The following LMTK3 variants were observed in gnomAD, a reference collection of about 807,000 sequenced individuals.
LMTK3 encodes the protein lemur tail kinase 3, also known as serine/threonine-protein kinase LMTK3.
Under a neutral mutation model 116.7 loss-of-function variants are expected in LMTK3, and 27 were observed. The ratio of observed to expected loss-of-function variants is 0.23; its 90% CI spans 0.17 to 0.32. The LOEUF (loss-of-function observed/expected upper bound fraction) is 0.32. Ranked by LOEUF, LMTK3 falls within the 10% of genes least tolerant of loss-of-function variation. The pLI, the probability that LMTK3 is intolerant of heterozygous loss-of-function variation, is 1.00. For missense variants in LMTK3, 1,764 were observed against 2,068.5 expected, an observed-to-expected ratio of 0.85 and a Z score of 2.86; for synonymous variants, 965 against 971.0, an observed-to-expected ratio of 0.99 and a Z score of 0.11.
upstream of LMTK3, chr19:48,513,215 T>C (rs945653551): frequency 2.6e-6 from 4 of 1,510,704 alleles, no homozygotes; most frequent in Non-Finnish European, 3.6e-6. This position sits in a 1 kb window ranked among gnomAD's most constrained non-coding sequence, Gnocchi z 5.6. Flanking sequence ...TCATAGTTTA[T>C]TTAATGTATT....
At chr19:48,506,924 A>G (rs958521594) in intron 5 of LMTK3, among the ~76,000 whole-genome samples, 9 of 152,144 alleles carry the variant, frequency 5.9e-5, no homozygotes, top group African/African-American at 2.2e-4. Context: ...TCAGTCTCCC[A>G]AAGTGCTGGG....
chr19:48,504,502 G>C (rs1429421465), intron 5 of LMTK3, among the ~76,000 whole-genome samples: 1 of 152,170 alleles, frequency 6.6e-6, no homozygotes, highest in Non-Finnish European at 1.5e-5. Flanking sequence ...TGAGATCCTA[G>C]CAATTACTGC....
rs572776157 is a variant in LMTK3 at position 48,491,847 on chromosome 19, A to G, written c.4093-308T>C. ...CGTGAGGCCTCCACCGGATCCCCTA[A>G]CCCAAAGCGATCTCCATAAGCCCCA... On this transcript the variant is annotated intron_variant, in intron 12 of 14. Transcript: ENST00000600059. The surrounding 1 kb of genome is among the most constrained non-coding windows in gnomAD (Gnocchi z 5.1). Among the ~76,000 whole-genome samples, 3 of 151,922 alleles carry G rather than the reference A, an allele frequency of 2.0e-5. No homozygotes were observed. The highest frequency in any genetic ancestry group is 4.4e-5 in the Non-Finnish European group (3 of 67,980).
intron 14 of LMTK3, among the ~76,000 whole-genome samples, chr19:48,488,687 C>T (rs1972166746): frequency 6.6e-6 from 1 of 152,136 alleles, no homozygotes; most frequent in South Asian, 2.1e-4. Flanking sequence ...ATCCCCTTCC[C>T]CTTCACCTAG....
intron 12 of LMTK3, among the ~76,000 whole-genome samples, chr19:48,492,854 C>A (rs1416377840): frequency 6.6e-6 from 1 of 152,132 alleles, no homozygotes; most frequent in South Asian, 2.1e-4. Flanking sequence ...CTAGACCACG[C>A]CCCCGTCACA....
Position 48,511,721 on chromosome 19 carries a change from G to A in LMTK3, c.-145C>T, listed in dbSNP as rs1972667388. 1 of 439,626 alleles carries A rather than the reference G, an allele frequency of 2.3e-6. No homozygotes were observed. Among genetic ancestry groups the A allele is most frequent in the Admixed American group, 4.1e-5 (1 of 24,178 alleles). 27.2% of individuals were successfully genotyped at this position (439,626 alleles called of 1,614,324 possible). A position where few individuals can be genotyped will look rare whatever the true frequency, so the allele number is the denominator to read the frequency against. On this transcript the variant is annotated 5_prime_UTR_variant, in exon 1 of 15. Transcript: ENST00000600059. ...GGCAGGAGACGCAGGACAGGGGGAG[G>A]GAGGGGCTGCTTGCTGGCTCAGGTA...
Position 48,498,801 on chromosome 19 carries a change from C to CG in LMTK3, c.2267dup (p.Pro757AlafsTer783), listed in dbSNP as rs757900513. On this transcript the variant is annotated frameshift_variant, in exon 11 of 15. Transcript: ENST00000600059. LOFTEE classifies it high-confidence loss of function. ...CCGCGGGGGCCCGAGGAGGTGGCGG[C>CG]GGGGGGGGGGGAGCGGGAGGTGGCC... 0.012 allele frequency: 3,390 copies of CG among 292,752 alleles called. No individual in the cohort carries two copies. The highest frequency in any genetic ancestry group is 0.013 in the Non-Finnish European group (2,601 of 200,398). The allele number at this position is 292,752 out of a possible 1,614,324, so 18.1% of individuals were successfully genotyped here. A position where few individuals can be genotyped will look rare whatever the true frequency, so the allele number is the denominator to read the frequency against.
At chr19:48,509,536 G>A in intron 3 of LMTK3, 23 bp from the exon 4 acceptor site, 1 of 1,534,958 alleles carries the variant, frequency 6.5e-7, no homozygotes. Context: ...AGAGGGGAAA[G>A]CCCCTGAGTC....
intron 14 of LMTK3, among the ~76,000 whole-genome samples, chr19:48,490,669 C>A (rs890124635): frequency 6.6e-6 from 1 of 152,182 alleles, no homozygotes; most frequent in African/African-American, 2.4e-5. Flanking sequence ...GCTCTCTAAC[C>A]CCCAGCTGTG....
At chr19:48,509,705 C>T (rs577803297) in intron 3 of LMTK3, among the ~76,000 whole-genome samples, 192 bp from the exon 4 acceptor site, 2 of 152,292 alleles carry the variant, frequency 1.3e-5, no homozygotes, top group East Asian at 3.9e-4. Flanking sequence ...ATCAGTCCTT[C>T]CTTTTGGCAT....
intron 5 of LMTK3, among the ~76,000 whole-genome samples, chr19:48,508,451 C>T (rs1033162580): frequency 6.6e-6 from 1 of 152,008 alleles, no homozygotes; most frequent in African/African-American, 2.4e-5. Context: ...GTGGCCTGCT[C>T]GGGCACCTGC....
Position 48,510,120 on chromosome 19 carries a change from C to T in LMTK3, c.264G>A (p.Ala88=), listed in dbSNP as rs1349901718. 1.2e-6 allele frequency: 2 copies of T among 1,613,806 alleles called. No individual in the cohort carries two copies. The highest frequency in any genetic ancestry group is 2.7e-5 in the African/African-American group (2 of 75,004). ...EDCSGEYTPP[A]EETSSSQSLP... ...GCGACTGTGAGGAGGAGGTCTCCTC[C>T]GCAGGGGGAGTGTACTCCCCGGAGC... The change falls in exon 3 of 15, where the codon GCG becomes GCA. Residue 88 remains alanine (A), a synonymous_variant. Coordinates refer to ENST00000600059, the MANE Select transcript of LMTK3 (RefSeq NM_001388485.1).
Position 48,485,493 on chromosome 19 carries a change from G to A in LMTK3, c.*280C>T, listed in dbSNP as rs982848285. Reference sequence around the variant, plus strand: ...TCCAGGCCCAAAAGAGTTCAGTTCAGTTCCGAGAAAGGCGGCTCTCTATGG... The same window carrying A: ...TCCAGGCCCAAAAGAGTTCAGTTCAATTCCGAGAAAGGCGGCTCTCTATGG... On this transcript the variant is annotated 3_prime_UTR_variant, in exon 15 of 15. Transcript: ENST00000600059. The A allele has an allele frequency of 4.2e-6, 2 of 476,914 alleles. No homozygotes were observed. Among genetic ancestry groups the A allele is most frequent in the African/African-American group, 4.1e-5 (2 of 49,044 alleles). The allele number at this position is 476,914 out of a possible 1,614,324, so 29.5% of individuals were successfully genotyped here.
rs1295374843 is a variant in LMTK3 at position 48,498,812 on chromosome 19, G to T, written c.2257C>A (p.Pro753Thr). Residue 753 changes from proline (P) to threonine (T), a missense_variant, in exon 11 of 15, where the codon CCC (proline) becomes ACC (threonine). This residue lies in a region of LMTK3 where 1,028 missense variants were observed against 1,050.6 expected (regional missense o/e 0.98). Coordinates refer to ENST00000600059, the MANE Select transcript of LMTK3 (RefSeq NM_001388485.1). ...CGAGGAGGTGGCGGCGGGGGGGGGG[G>T]AGCGGGAGGTGGCCCCCGCCCGGGG... is the stretch of plus-strand genomic sequence containing the variant. Reference protein sequence around the residue: ...QYPGRGPPPAPPPPPPPPRAP... With the variant: ...QYPGRGPPPATPPPPPPPRAP... 7 of 651,948 alleles carry T rather than the reference G, an allele frequency of 1.1e-5. No homozygotes were observed. The highest frequency in any genetic ancestry group is 2.0e-5 in the African/African-American group (1 of 49,530). 40.4% of individuals were successfully genotyped at this position (651,948 alleles called of 1,614,324 possible).
rs943885696 is a variant in LMTK3, at chr19:48,511,625, G to T, written c.-49C>A. ...GGAGGTGGTGGCGGCTGGGGAGGAG[G>T]GGGGGGCGGGCCCTCAGCCCCCAGC... is the stretch of plus-strand genomic sequence containing the variant. On this transcript the variant is annotated 5_prime_UTR_variant, in exon 1 of 15. Transcript: ENST00000600059. The T allele has an allele frequency of 9.4e-6, 6 of 635,142 alleles. No individual in the cohort carries two copies. The highest frequency in any genetic ancestry group is 1.5e-5 in the Non-Finnish European group (6 of 399,234). 39.3% of individuals were successfully genotyped at this position (635,142 alleles called of 1,614,324 possible).
intron 5 of LMTK3, among the ~76,000 whole-genome samples, chr19:48,506,140 GAA>G (rs541945051): frequency 4.4e-5 from 5 of 113,194 alleles, no homozygotes; most frequent in African/African-American, 6.5e-5. Flanking sequence ...GACTTCATCT[GAA>G]AAAAAAAAAA....
At position 48,497,207 on chromosome 19, in the gene LMTK3, G is replaced by A. The variant is rs139947407; in HGVS notation, c.3676+186C>T. 4.6e-3 allele frequency among the ~76,000 whole-genome samples: 706 copies of A among 152,358 alleles called. 4 individuals carry two copies. The highest frequency in any genetic ancestry group is 0.016 in the African/African-American group (674 of 41,584). On this transcript the variant is annotated intron_variant, in intron 11 of 14. Transcript: ENST00000600059. The surrounding 1 kb of genome is among the most constrained non-coding windows in gnomAD (Gnocchi z 5.7). ...GGTAAACTGAGGCACCGTGCAGCAA[G>A]GACATTTGCCCAAGGCCAAAGAGCT...
In LMTK3 at chr19:48,494,703, A is replaced by T. The variant is rs992372119; in HGVS notation, c.3677-594T>A. 2.0e-5 allele frequency among the ~76,000 whole-genome samples: 3 copies of T among 152,198 alleles called. No homozygotes were observed. The highest frequency in any genetic ancestry group is 2.9e-5 in the Non-Finnish European group (2 of 68,038). ...TCACTTAGCCCTCCATTACTGCATA[A>T]GTGAACTGCCCTTTCTGAGCTGATG... On this transcript the variant is annotated intron_variant, in intron 11 of 14. Coordinates refer to ENST00000600059, the MANE Select transcript of LMTK3 (RefSeq NM_001388485.1). The surrounding 1 kb of genome is among the most constrained non-coding windows in gnomAD (Gnocchi z 4.0).
intron 14 of LMTK3, among the ~76,000 whole-genome samples, chr19:48,487,064 T>G (rs537353706): frequency 1.3e-5 from 2 of 148,694 alleles, no homozygotes; most frequent in South Asian, 4.3e-4. Context: ...AGACAGAGTC[T>G]TATTCTGTCG....
Sources: gnomAD v4.1 joint callset for allele counts (sites outside exome capture counted in the v4.1 genomes callset) on GRCh38, gnomAD v4.1.1 for gene constraint, gnomAD v4.1.1 regional missense constraint, Gnocchi (gnomAD v3.1) non-coding constraint, MANE v1.5 for transcripts, NCBI Gene and HGNC (gene_info 2026-07-23, HGNC 2026-07-21) for gene names.